The following RPAP2 variants were observed in gnomAD, a reference collection of about 807,000 sequenced individuals.
RPAP2 encodes the protein putative RNA polymerase II subunit B1 CTD phosphatase RPAP2.
In RPAP2, 52 loss-of-function variants were observed where a neutral mutation model predicts 73.1. That is an observed-to-expected ratio of 0.71 (90% CI 0.57 to 0.90). The LOEUF (loss-of-function observed/expected upper bound fraction) is 0.90, where lower values mean the gene tolerates loss of function less well. Among genes scored for constraint, RPAP2 ranks in the 40% least tolerant of loss-of-function variants. RPAP2 has a pLI of 0.00. For synonymous variants in RPAP2, 225 were observed against 242.1 expected, an observed-to-expected ratio of 0.93 and a Z score of 0.65; for missense variants, 598 against 701.8, an observed-to-expected ratio of 0.85 and a Z score of 1.67.
intron 11 of RPAP2, among the ~76,000 whole-genome samples, chr1:92,352,463 C>T (rs1654268531): frequency 6.6e-6 from 1 of 151,854 alleles, no homozygotes; most frequent in South Asian, 2.1e-4. Context: ...TTTTTAAAGC[C>T]TGCCTATCAC....
At position 92,391,678 on chromosome 1, in the gene RPAP2, C is replaced by G. The variant is rs1264062816; in HGVS notation, c.*4667C>G. On this transcript the variant is annotated 3_prime_UTR_variant, in exon 13 of 13. Transcript: ENST00000610020. Reference sequence around the variant, plus strand: ...AAAAGAGAGAAGAGTCAAATAGATGCAATAAAAAATGATAAAGGGGATATC... The same window carrying G: ...AAAAGAGAGAAGAGTCAAATAGATGGAATAAAAAATGATAAAGGGGATATC... 1 of 152,022 alleles carries G rather than the reference C, an allele frequency of 6.6e-6. No individual in the cohort carries two copies. The highest frequency in any genetic ancestry group is 1.5e-5 in the Non-Finnish European group (1 of 68,006). The allele number at this position is 152,022 out of a possible 1,614,324, so 9.4% of individuals were successfully genotyped here.
chr1:92,332,522 C>T (rs896759142), intron 8 of RPAP2, among the ~76,000 whole-genome samples: 4 of 152,030 alleles, frequency 2.6e-5, no homozygotes, highest in African/African-American at 9.7e-5. Flanking sequence ...ACAGAGATAA[C>T]TGGAGACTCA....
chr1:92,299,123 C>G lies in RPAP2; in HGVS notation c.50C>G (p.Pro17Arg). The G allele has an allele frequency of 1.3e-6, 2 of 1,522,726 alleles. No individual in the cohort carries two copies. Among genetic ancestry groups the G allele is most frequent in the East Asian group, 2.5e-5 (1 of 39,250 alleles). The allele number at this position is 1,522,726 out of a possible 1,614,324, so 94.3% of individuals were successfully genotyped here. ...TCTGCCGGCCGCAAGGCCGGGGCTC[C>G]CCGCTGCTCTCGAAAAGCCGCAGGT... ...PSSAGRKAGA[P>R]RCSRKAAGTK... Residue 17 changes from proline (P) to arginine (R), a missense_variant, in exon 1 of 13, where the codon CCC becomes CGC. Around this residue, in one of 3 missense-constraint regions of RPAP2, gnomAD observed 77 missense variants for 55.7 expected, o/e 1.38. Coordinates refer to ENST00000610020, the MANE Select transcript of RPAP2 (RefSeq NM_024813.3).
Position 92,389,856 on chromosome 1 carries a change from A to G in RPAP2, c.*2845A>G, listed in dbSNP as rs1278967202. 3.9e-5 allele frequency: 6 copies of G among 152,226 alleles called. No individual in the cohort carries two copies. Among genetic ancestry groups the G allele is most frequent in the Non-Finnish European group, 8.8e-5 (6 of 68,046 alleles). The allele number at this position is 152,226 out of a possible 1,614,324, so 9.4% of individuals were successfully genotyped here. A position where few individuals can be genotyped will look rare whatever the true frequency, so the allele number is the denominator to read the frequency against. Reference sequence around the variant, plus strand: ...GACAAGATTAGAGAAAAAAGAGTGAAAAGAAATGAACAAAGCCTCCAAGAA... The same window carrying G: ...GACAAGATTAGAGAAAAAAGAGTGAGAAGAAATGAACAAAGCCTCCAAGAA... On this transcript the variant is annotated 3_prime_UTR_variant, in exon 13 of 13. Transcript: ENST00000610020.
intron 3 of RPAP2, 125 bp from the exon 4 acceptor site, chr1:92,303,852 C>CT (rs1351304966): frequency 5.5e-6 from 3 of 543,518 alleles, no homozygotes; most frequent in Non-Finnish European, 9.2e-6. Context: ...ATTCTAACCT[C>CT]TAACTTATGA....
At chr1:92,352,229 C>T (rs1654257361) in intron 11 of RPAP2, among the ~76,000 whole-genome samples, 1 of 152,180 alleles carries the variant, frequency 6.6e-6, no homozygotes, top group Non-Finnish European at 1.5e-5. Context: ...TCTCTAAAAG[C>T]TTTGAGTATT....
At chr1:92,324,495 T>C (rs774212330) in intron 8 of RPAP2, 120 bp downstream of exon 8, 24 of 767,984 alleles carry the variant, frequency 3.1e-5, no homozygotes, top group Non-Finnish European at 4.7e-5. Flanking sequence ...ATAGTTTCTT[T>C]AGTCATTCTG....
rs1171169301 is a variant in RPAP2 at position 92,305,809 on chromosome 1, G to A, written c.400-1379G>A. On this transcript the variant is annotated intron_variant, in intron 5 of 12. Transcript: ENST00000610020. The stretch of plus-strand genomic sequence containing the variant: ...TTGTTTTCACAGCCCACAAAATTGC[G>A]AATGTTAGGAAATCTTTTTGCAACT... Among the ~76,000 whole-genome samples, 14 of 152,278 alleles carry A rather than the reference G, an allele frequency of 9.2e-5. No individual in the cohort carries two copies. The South Asian group carries it at 2.7e-3, about 29-fold the overall frequency.
In RPAP2 at chr1:92,361,120, T is replaced by C. The variant is rs1027364993; in HGVS notation, c.1688+15206T>C. Among the ~76,000 whole-genome samples, 105 of 146,688 alleles carry C rather than the reference T, an allele frequency of 7.2e-4. 1 individual carries two copies. Among genetic ancestry groups the C allele is most frequent in the Non-Finnish European group, 1.2e-3 (80 of 66,058 alleles). The stretch of plus-strand genomic sequence containing the variant: ...ATATATATACACACACACACACATA[T>C]ATATATATATACACACACATAAACA... On this transcript the variant is annotated intron_variant, in intron 11 of 12. Transcript: ENST00000610020.
At chr1:92,385,911 G>A (rs984409381) in intron 12 of RPAP2, among the ~76,000 whole-genome samples, 4 of 152,192 alleles carry the variant, frequency 2.6e-5, no homozygotes, top group African/African-American at 9.7e-5. Context: ...GATGTCACCT[G>A]AAGGCTAGAA....
At chr1:92,376,070 C>T (rs138448894) in intron 11 of RPAP2, among the ~76,000 whole-genome samples, 1,751 of 151,430 alleles carry the variant, frequency 0.012, 74 homozygotes, top group Admixed American at 0.079. Flanking sequence ...CACCTATGGA[C>T]ATTTTTTCTT....
chr1:92,347,513 T>G (rs1378931056), intron 11 of RPAP2, among the ~76,000 whole-genome samples: 2 of 152,196 alleles, frequency 1.3e-5, no homozygotes, highest in African/African-American at 4.8e-5. Flanking sequence ...TTACTGAAAG[T>G]ATTATCATCA....
Position 92,399,949 on chromosome 1 carries a change from A to C in RPAP2, c.*12938A>C, listed in dbSNP as rs558151516. 6.6e-6 allele frequency: 1 copy of C among 152,342 alleles called. No homozygotes were observed. Among genetic ancestry groups the C allele is most frequent in the African/African-American group, 2.4e-5 (1 of 41,586 alleles). 9.4% of individuals were successfully genotyped at this position (152,342 alleles called of 1,614,324 possible). On this transcript the variant is annotated 3_prime_UTR_variant, in exon 13 of 13. Coordinates refer to ENST00000610020, the MANE Select transcript of RPAP2 (RefSeq NM_024813.3). ...ACAAAGAGTCTTGCTACTAGGAAAA[A>C]GAGTTTGAAAATCACTAGTCTAACT...
chr1:92,323,628 AAAT>A lies in RPAP2; in HGVS notation c.710_712del (p.Asn237del). 7 of 1,614,084 alleles carry A rather than the reference AAAT, an allele frequency of 4.3e-6. No individual in the cohort carries two copies. Among genetic ancestry groups the A allele is most frequent in the South Asian group, 1.1e-5 (1 of 91,086 alleles). On this transcript the variant is annotated inframe_deletion, in exon 8 of 13. Transcript: ENST00000610020. Reference sequence around the variant, plus strand: ...TACCAGGAAACAGACCAAATTCAACAAATATTAGACCACAGCTGCACCAAAAAA... The same window carrying A: ...TACCAGGAAACAGACCAAATTCAACAATTAGACCACAGCTGCACCAAAAAA...
Position 92,324,127 on chromosome 1 carries a change from G to C in RPAP2, c.1207G>C (p.Val403Leu), listed in dbSNP as rs1165686427. ...SVCLKPEASLVKEELDEDDII... is the reference protein window; with the variant it reads ...SVCLKPEASLLKEELDEDDII... ...GTGTCTGAAACCCGAAGCCTCTCTG[G>C]TTAAAGAAGAACTTGATGAAGATGA... The change falls in exon 8 of 13, where the codon GTT (valine) becomes CTT (leucine). Residue 403 changes from valine (V) to leucine (L), a missense_variant. Transcript: ENST00000610020. The C allele has an allele frequency of 4.3e-6, 7 of 1,614,006 alleles. No homozygotes were observed. In the Admixed American group the frequency reaches 1.2e-4, roughly 27 times the overall value.
rs537212216 is a variant in RPAP2, at chr1:92,314,548, A to G, written c.489-6051A>G. Among the ~76,000 whole-genome samples the G allele has an allele frequency of 2.7e-3, 397 of 148,554 alleles. 3 individuals carry two copies. Among genetic ancestry groups the G allele is most frequent in the South Asian group, 9.7e-3 (45 of 4,622 alleles). On this transcript the variant is annotated intron_variant, in intron 6 of 12. Coordinates refer to ENST00000610020, the MANE Select transcript of RPAP2 (RefSeq NM_024813.3). ...GTGGATCACTTGAGGTCAGGAGTTC[A>G]AGACCAGCCTGGCCAACAGGGTGAA...
chr1:92,377,415 G>A (rs1655425504), intron 11 of RPAP2, among the ~76,000 whole-genome samples: 1 of 151,830 alleles, frequency 6.6e-6, no homozygotes, highest in Non-Finnish European at 1.5e-5. Flanking sequence ...CTACTCAGGA[G>A]GCTGAGGCAG....
rs374231147 is a variant in RPAP2, at chr1:92,333,940, T to G, written c.1538+467T>G. Reference sequence around the variant, plus strand: ...GTTTTTGTTCAACTCAACGTTGCACTTTAGCTTTAAACTTCCCGTGGTGGA... The same window carrying G: ...GTTTTTGTTCAACTCAACGTTGCACGTTAGCTTTAAACTTCCCGTGGTGGA... On this transcript the variant is annotated intron_variant, in intron 9 of 12. Transcript: ENST00000610020. Among the ~76,000 whole-genome samples, 24 of 152,366 alleles carry G rather than the reference T, an allele frequency of 1.6e-4. 1 individual carries two copies. The South Asian group carries it at 4.8e-3, about 30-fold the overall frequency.
At chr1:92,310,428 G>A (rs1651522437) in intron 6 of RPAP2, among the ~76,000 whole-genome samples, 1 of 152,094 alleles carries the variant, frequency 6.6e-6, no homozygotes, top group East Asian at 1.9e-4. Flanking sequence ...GTTTACATAT[G>A]GCATGGGATA....
Sources: gnomAD v4.1 joint callset for allele counts (sites outside exome capture counted in the v4.1 genomes callset) on GRCh38, gnomAD v4.1.1 for gene constraint, gnomAD v4.1.1 regional missense constraint, MANE v1.5 for transcripts, NCBI Gene and HGNC (gene_info 2026-07-23, HGNC 2026-07-21) for gene names.